CX3CR1: variants seen among roughly 807,000 people sequenced by gnomAD.
CX3CR1 encodes the protein C-X3-C motif chemokine receptor 1.
For missense variants in CX3CR1, 363 were observed against 432.4 expected, an observed-to-expected ratio of 0.84 and a Z score of 1.42; for synonymous variants, 168 against 178.5, an observed-to-expected ratio of 0.94 and a Z score of 0.47.
chr3:39,292,823 A>G, the CX3CR1 span, among the ~76,000 whole-genome samples: 1 of 152,212 alleles, frequency 6.6e-6, no homozygotes, highest in Non-Finnish European at 1.5e-5. Context: ...GACTCACTGT[A>G]GGCACCAGTC....
chr3:39,283,794 A>AATT (rs1491387968), upstream of CX3CR1, among the ~76,000 whole-genome samples: 1 of 58,340 alleles, frequency 1.7e-5, no homozygotes, highest in Non-Finnish European at 3.3e-5. Context: ...AAAAAAAAAA[A>AATT]TTATATATAT....
At chr3:39,286,135 G>C (rs2040940846), upstream of CX3CR1, 1 of 152,294 alleles carries the variant, frequency 6.6e-6, no homozygotes, top group South Asian at 2.1e-4. Flanking sequence ...AGAAGTGACA[G>C]GTAGATTTCC....
chr3:39,265,392 A>T lies in CX3CR1; in HGVS notation c.*50T>A. On this transcript the variant is annotated 3_prime_UTR_variant, in exon 2 of 2. Coordinates refer to ENST00000399220, the MANE Select transcript of CX3CR1 (RefSeq NM_001337.4). ...AAATCTTTCCTCACTAGTCAGCATC[A>T]GGTTCAGGAACTCCAGGTTCTCTGT... 6.6e-7 allele frequency: 1 copy of T among 1,522,744 alleles called. No homozygotes were observed. Among genetic ancestry groups the T allele is most frequent in the Non-Finnish European group, 8.8e-7 (1 of 1,133,386 alleles). The allele number at this position is 1,522,744 out of a possible 1,614,324, so 94.3% of individuals were successfully genotyped here. A position where few individuals can be genotyped will look rare whatever the true frequency, so the allele number is the denominator to read the frequency against.
intron 1 of CX3CR1, among the ~76,000 whole-genome samples, chr3:39,266,941 G>A (rs933215191): frequency 2.6e-5 from 4 of 152,002 alleles, no homozygotes; most frequent in Non-Finnish European, 5.9e-5. Context: ...GCACTACCAC[G>A]CCTGGCTAAT....
chr3:39,280,181 T>A (rs1459995332), upstream of CX3CR1: 1 of 984,546 alleles, frequency 1.0e-6, no homozygotes, highest in Non-Finnish European at 1.2e-6. Flanking sequence ...AGGGCCTGAC[T>A]TTATAAACCT....
intron 1 of CX3CR1, among the ~76,000 whole-genome samples, chr3:39,275,569 T>A (rs891089292): frequency 6.6e-6 from 1 of 152,224 alleles, no homozygotes. Flanking sequence ...AGGTTGTATC[T>A]ACTTGGCTAT....
In CX3CR1 at chr3:39,263,748, G is replaced by A. The variant is rs757211660; in HGVS notation, c.*1694C>T. 1 of 152,154 alleles carries A rather than the reference G, an allele frequency of 6.6e-6. No individual in the cohort carries two copies. The highest frequency in any genetic ancestry group is 1.5e-5 in the Non-Finnish European group (1 of 68,042). 9.4% of individuals were successfully genotyped at this position (152,154 alleles called of 1,614,324 possible). A position where few individuals can be genotyped will look rare whatever the true frequency, so the allele number is the denominator to read the frequency against. ...ATAATTACCAAACTACATAGAAAGC[G>A]AGCACTATTTGTGGTCTAACGTTAA... On this transcript the variant is annotated 3_prime_UTR_variant, in exon 2 of 2. Transcript: ENST00000399220.
the CX3CR1 span, among the ~76,000 whole-genome samples, chr3:39,291,380 T>C: frequency 6.6e-6 from 1 of 152,202 alleles, no homozygotes; most frequent in Non-Finnish European, 1.5e-5. Flanking sequence ...TTTGGTATTC[T>C]GCCTTTTTTC....
upstream of CX3CR1, chr3:39,281,488 C>T (rs971177300): frequency 1.0e-5 from 9 of 903,522 alleles, no homozygotes; most frequent in Non-Finnish European, 1.4e-5. Context: ...GTCTCATCCA[C>T]CCCACATCAG....
At chr3:39,267,114 T>C (rs2040710827) in intron 1 of CX3CR1, among the ~76,000 whole-genome samples, 2 of 152,114 alleles carry the variant, frequency 1.3e-5, no homozygotes, top group South Asian at 2.1e-4. Flanking sequence ...TTGAGACAGA[T>C]CTGTTTTACT....
At chr3:39,268,478 T>G (rs2040731491) in intron 1 of CX3CR1, among the ~76,000 whole-genome samples, 1 of 152,186 alleles carries the variant, frequency 6.6e-6, no homozygotes, top group African/African-American at 2.4e-5. Flanking sequence ...CAGAGCATGA[T>G]CTTCCCAGAC....
chr3:39,274,686 G>A (rs574246905), intron 1 of CX3CR1, among the ~76,000 whole-genome samples: 54 of 151,872 alleles, frequency 3.6e-4, no homozygotes, highest in Non-Finnish European at 6.9e-4. Context: ...TTAATAATTA[G>A]GAAAGAGATA....
At chr3:39,268,188 C>T (rs1167950410) in intron 1 of CX3CR1, among the ~76,000 whole-genome samples, 1 of 152,234 alleles carries the variant, frequency 6.6e-6, no homozygotes, top group East Asian at 1.9e-4. Flanking sequence ...CTCACCCAGA[C>T]TCTCCTGGGA....
rs374201397 is a variant in CX3CR1 at position 39,269,010 on chromosome 3, ATT to A, written c.-9-2494_-9-2493del. ...GAATTTGGTCTTTAAAGGTCACTTT[ATT>A]TTTTTTTCCCCCTGAAATAAGACAT... On this transcript the variant is annotated intron_variant, in intron 1 of 1. Coordinates refer to ENST00000399220, the MANE Select transcript of CX3CR1 (RefSeq NM_001337.4). Among the ~76,000 whole-genome samples the A allele has an allele frequency of 2.6e-4, 40 of 151,346 alleles. 1 individual carries two copies. In the South Asian group the frequency reaches 8.1e-3, roughly 31 times the overall value.
At chr3:39,281,930 G>A (rs1008368740), upstream of CX3CR1, among the ~76,000 whole-genome samples, 7 of 152,168 alleles carry the variant, frequency 4.6e-5, no homozygotes, top group Non-Finnish European at 8.8e-5. Context: ...GAGAACCAGC[G>A]TCCAGTGTCA....
At chr3:39,291,432 CCATA>C in the CX3CR1 span, among the ~76,000 whole-genome samples, 1 of 151,928 alleles carries the variant, frequency 6.6e-6, no homozygotes, top group Non-Finnish European at 1.5e-5. Flanking sequence ...ATACATGTGA[CCATA>C]CGCTCCCTCT....
intron 1 of CX3CR1, among the ~76,000 whole-genome samples, chr3:39,271,203 G>A (rs56083137): frequency 1.2e-4 from 19 of 152,134 alleles, no homozygotes; most frequent in African/African-American, 3.9e-4. Context: ...TTTGCAGAAG[G>A]ATAAATATTA....
upstream of CX3CR1, among the ~76,000 whole-genome samples, chr3:39,284,037 G>A (rs1233936340): frequency 6.6e-6 from 1 of 151,230 alleles, no homozygotes; most frequent in South Asian, 2.1e-4. Context: ...ATTATCACAC[G>A]TTACATGCCT....
chr3:39,272,942 A>G (rs906107510), intron 1 of CX3CR1, among the ~76,000 whole-genome samples: 4 of 152,132 alleles, frequency 2.6e-5, no homozygotes, highest in African/African-American at 4.8e-5. Flanking sequence ...TCTCTTCACA[A>G]CCCCACTGGA....
Sources: allele counts gnomAD v4.1 joint callset (sites outside exome capture counted in the v4.1 genomes callset), GRCh38; gene constraint gnomAD v4.1.1; transcripts MANE v1.5; gene names NCBI Gene and HGNC (gene_info 2026-07-23, HGNC 2026-07-21).